Variants in CUX1 observed in about 807,000 individuals in gnomAD.
CUX1 encodes protein CASP.
A neutral mutation model predicts 158.8 loss-of-function variants in CUX1; 31 were observed. The ratio of observed to expected loss-of-function variants is 0.20; its 90% CI spans 0.15 to 0.26. The LOEUF is 0.26. Ranked by LOEUF, CUX1 falls within the 10% of genes least tolerant of loss-of-function variation. CUX1 has a pLI of 1.00. For synonymous variants in CUX1, 879 were observed against 862.1 expected, an observed-to-expected ratio of 1.02 and a Z score of -0.34; for missense variants, 1,589 against 2,014.6, an observed-to-expected ratio of 0.79 and a Z score of 4.04.
intron 1 of CUX1, among the ~76,000 whole-genome samples, chr7:101,898,138 A>G (rs1033806562): frequency 6.6e-6 from 1 of 151,976 alleles, no homozygotes; most frequent in African/African-American, 2.4e-5. Context: ...TTAAACCGCA[A>G]ATGTCTTTTG....
intron 9 of CUX1, among the ~76,000 whole-genome samples, chr7:102,166,328 T>C (rs1791027348): frequency 6.6e-6 from 1 of 152,134 alleles, no homozygotes; most frequent in South Asian, 2.1e-4. Flanking sequence ...CCCAGGACAG[T>C]GCTCAGGCTT....
intron 20 of CUX1, among the ~76,000 whole-genome samples, chr7:102,222,811 C>CT (rs71123016): frequency 0.3 from 7,670 of 25,340 alleles, 3,015 homozygotes; most frequent in Non-Finnish European, 0.38. Context: ...GGCACCGTAT[C>CT]TTTTTTTTTT....
intron 1 of CUX1, among the ~76,000 whole-genome samples, chr7:101,843,891 C>T (rs1013063543): frequency 6.6e-6 from 1 of 152,192 alleles, no homozygotes; most frequent in African/African-American, 2.4e-5. Flanking sequence ...GCCAATCCTT[C>T]AGGATGGATC....
chr7:102,272,869 G>A (rs964699480), intron 14 of CUX1, among the ~76,000 whole-genome samples: 2 of 152,172 alleles, frequency 1.3e-5, no homozygotes, highest in East Asian at 3.8e-4. Flanking sequence ...CAGCCCAGAG[G>A]TGGCACCCCT....
intron 8 of CUX1, among the ~76,000 whole-genome samples, chr7:102,143,008 G>A (rs146169951): frequency 2.6e-5 from 4 of 152,322 alleles, no homozygotes; most frequent in Non-Finnish European, 4.4e-5. Flanking sequence ...TTGTCTACCC[G>A]TGATTCCTGG....
chr7:102,125,199 G>C (rs569824036), intron 8 of CUX1, among the ~76,000 whole-genome samples: 19 of 152,286 alleles, frequency 1.2e-4, no homozygotes, highest in African/African-American at 4.3e-4. Context: ...TCCCCATGAT[G>C]ATGAGTGGGT....
chr7:102,245,621 A>G (rs569472660), intron 23 of CUX1, among the ~76,000 whole-genome samples: 1 of 152,276 alleles, frequency 6.6e-6, no homozygotes, highest in Admixed American at 6.5e-5. Context: ...TTTAATCTTA[A>G]TAACTTCTCT....
intron 2 of CUX1, among the ~76,000 whole-genome samples, chr7:101,989,621 A>G (rs572611128): frequency 1.3e-5 from 2 of 152,272 alleles, no homozygotes; most frequent in African/African-American, 4.8e-5. Flanking sequence ...CTGTCATTGG[A>G]TGGAAGCTGA....
chr7:102,255,022 AGAG>A lies in CUX1; in HGVS notation c.*5985_*5987del, dbSNP rs1208095338. ...AACCCTTGGGCTTAATCAGGACGGAAGAGGAGGGGGTGTGGGGGGCAGAGCGTA... is the reference window on the plus strand; with the variant it reads ...AACCCTTGGGCTTAATCAGGACGGAAGAGGGGGTGTGGGGGGCAGAGCGTA... On this transcript the variant is annotated 3_prime_UTR_variant, in exon 24 of 24. Transcript: ENST00000292535. The A allele has an allele frequency of 1.1e-5, 11 of 985,504 alleles. No individual in the cohort carries two copies. The East Asian group carries it at 1.1e-3, about 102-fold the overall frequency. 61.0% of individuals were successfully genotyped at this position (985,504 alleles called of 1,614,324 possible).
At position 102,220,068 on chromosome 7, in the gene CUX1, C is replaced by T. The variant is rs115020302; in HGVS notation, c.3131-7299C>T. Among the ~76,000 whole-genome samples, 1,289 of 152,148 alleles carry T rather than the reference C, an allele frequency of 8.5e-3. 12 individuals carry two copies. Among genetic ancestry groups the T allele is most frequent in the African/African-American group, 0.03 (1,233 of 41,498 alleles). On this transcript the variant is annotated intron_variant, in intron 20 of 23. Transcript: ENST00000292535. ...ATGACCAAAATACAGGAGGCCAGGG[C>T]CGGGCACAGGGCCGGGCACAGTGGG...
chr7:102,054,163 G>A (rs1823860290), intron 3 of CUX1, among the ~76,000 whole-genome samples: 1 of 152,106 alleles, frequency 6.6e-6, no homozygotes, highest in Admixed American at 6.6e-5. Context: ...TATATTTGAT[G>A]AAATCCAATT....
At chr7:102,052,788 G>A (rs941661414) in intron 3 of CUX1, among the ~76,000 whole-genome samples, 9 of 152,036 alleles carry the variant, frequency 5.9e-5, no homozygotes, top group Non-Finnish European at 8.8e-5. Flanking sequence ...TCAGTTTCTC[G>A]ACATCCTTTC....
intron 18 of CUX1, among the ~76,000 whole-genome samples, chr7:102,203,678 A>G (rs75853805): frequency 0.034 from 5,249 of 152,340 alleles, 128 homozygotes; most frequent in Middle Eastern, 0.1. Context: ...ACTTTTCAAA[A>G]GAGTGATCGG....
chr7:102,221,858 A>G (rs571360084), intron 20 of CUX1, among the ~76,000 whole-genome samples: 10 of 152,150 alleles, frequency 6.6e-5, no homozygotes, highest in Non-Finnish European at 1.5e-4. Context: ...AAATATGCAA[A>G]TTACCCATTT....
At position 102,097,213 on chromosome 7, in the gene CUX1, A is replaced by C. The variant is rs560746248; in HGVS notation, c.269-151A>C. 7.6e-6 allele frequency: 7 copies of C among 915,970 alleles called. No individual in the cohort carries two copies. In the African/African-American group the frequency reaches 1.2e-4, roughly 16 times the overall value. The allele number at this position is 915,970 out of a possible 1,614,324, so 56.7% of individuals were successfully genotyped here. A position where few individuals can be genotyped will look rare whatever the true frequency, so the allele number is the denominator to read the frequency against. ...AAAGCACTGGAGAATTCTCCCACCCAGCAAGGGGGCTGGCTGCAGGGGCAT... is the reference window on the plus strand; with the variant it reads ...AAAGCACTGGAGAATTCTCCCACCCCGCAAGGGGGCTGGCTGCAGGGGCAT... On this transcript the variant is annotated intron_variant, in intron 4 of 23. Coordinates refer to ENST00000292535, the MANE Select transcript of CUX1 (RefSeq NM_181552.4).
At chr7:102,229,814 C>G (rs1428795345) in intron 21 of CUX1, among the ~76,000 whole-genome samples, 1 of 151,822 alleles carries the variant, frequency 6.6e-6, no homozygotes, top group African/African-American at 2.4e-5. Flanking sequence ...GACAGAGTTT[C>G]ACCATGCTGC....
Position 101,882,289 on chromosome 7 carries a change from C to T in CUX1, c.31-33826C>T, listed in dbSNP as rs990735584. Reference sequence around the variant, plus strand: ...AGTAATCCACTAACTTAGGGAATTTCGTGACCAGTCACTCAGCACGCCCTG... The same window carrying T: ...AGTAATCCACTAACTTAGGGAATTTTGTGACCAGTCACTCAGCACGCCCTG... On this transcript the variant is annotated intron_variant, in intron 1 of 23. Transcript: ENST00000292535. Among the ~76,000 whole-genome samples, 10 of 152,314 alleles carry T rather than the reference C, an allele frequency of 6.6e-5. No homozygotes were observed. The East Asian group carries it at 9.6e-4, about 15-fold the overall frequency.
chr7:102,205,250 C>T (rs977632066), intron 20 of CUX1, 80 bp downstream of exon 20: 6 of 1,048,716 alleles, frequency 5.7e-6, no homozygotes, highest in South Asian at 1.3e-5. Flanking sequence ...TCTGTCCCGG[C>T]GAGACTCCGA....
chr7:101,967,013 TA>T (rs1811308375), intron 2 of CUX1, among the ~76,000 whole-genome samples: 1 of 152,020 alleles, frequency 6.6e-6, no homozygotes, highest in Non-Finnish European at 1.5e-5. Context: ...TATTTTATTT[TA>T]TTTTATTTTA....
Sources: gnomAD v4.1 joint callset for allele counts (sites outside exome capture counted in the v4.1 genomes callset) on GRCh38, gnomAD v4.1.1 for gene constraint, MANE v1.5 for transcripts, NCBI Gene and HGNC (gene_info 2026-07-23, HGNC 2026-07-21) for gene names.